Variants in SPRY3 observed in about 807,000 individuals in gnomAD.
SPRY3 encodes the protein protein sprouty homolog 3.
In SPRY3, 15 loss-of-function variants were observed where a neutral mutation model predicts 20.2. That is an observed-to-expected ratio of 0.74 (90% CI 0.50 to 1.14). The LOEUF (loss-of-function observed/expected upper bound fraction) is 1.14, where lower values mean the gene tolerates loss of function less well. Ranked by LOEUF, SPRY3 falls within the 50% of genes most tolerant of loss-of-function variation. SPRY3 has a pLI of 0.00. For synonymous variants in SPRY3, 143 were observed against 136.5 expected, an observed-to-expected ratio of 1.05 and a Z score of -0.33; for missense variants, 364 against 363.9, an observed-to-expected ratio of 1.00 and a Z score of 0.00.
intron 1 of SPRY3, among the ~76,000 whole-genome samples, chrX:155,651,728 G>A (rs1278961200): frequency 1.8e-5 from 2 of 111,317 alleles, no homozygotes; most frequent in Non-Finnish European, 3.8e-5. Flanking sequence ...TGGGTACATA[G>A]TATATGTATA....
chrX:155,777,888 G>C (rs1270817445), downstream of SPRY3: 8 of 166,346 alleles, frequency 4.8e-5, no homozygotes, highest in Non-Finnish European at 5.9e-5. Flanking sequence ...TATGATATCA[G>C]CCAAGAGTTT....
At chrX:155,692,214 T>A (rs2124575070) in intron 2 of SPRY3, among the ~76,000 whole-genome samples, 1 of 111,141 alleles carries the variant, frequency 9.0e-6, no homozygotes, top group African/African-American at 3.3e-5. Context: ...CCTGGTTGAT[T>A]TTGAGTTAAA....
Position 155,769,167 on chromosome X carries a change from T to C in SPRY3, c.-107+1031T>C, listed in dbSNP as rs777373957. On this transcript the variant is annotated intron_variant, in intron 3 of 3. Coordinates refer to ENST00000675360, the Ensembl canonical transcript of SPRY3. ...ACAAAGACATTACTATAACATTCTA[T>C]ATATTTGTCTCTTTGTGTTCTGTTT... Among the ~76,000 whole-genome samples, 3 of 152,314 alleles carry C rather than the reference T, an allele frequency of 2.0e-5. No individual in the cohort carries two copies. The South Asian group carries it at 6.2e-4, about 32-fold the overall frequency.
intron 2 of SPRY3, among the ~76,000 whole-genome samples, chrX:155,707,435 A>G (rs2090959610): frequency 2.6e-5 from 4 of 151,302 alleles, no homozygotes; most frequent in South Asian, 4.1e-4. Flanking sequence ...GTTTGCTTCA[A>G]TAAAATGTGT....
Position 155,614,381 on chromosome X carries a change from A to C in SPRY3, c.-441+1734A>C, listed in dbSNP as rs939391015. On this transcript the variant is annotated intron_variant, in intron 1 of 3. Coordinates refer to ENST00000675360, the Ensembl canonical transcript of SPRY3. ...GCTCACTTAAAGCTAAGCTGAAATC[A>C]ACACAAAGTACTCAGAAAAGGCAAC... Among the ~76,000 whole-genome samples the C allele has an allele frequency of 5.3e-5, 6 of 112,303 alleles. No homozygotes were observed. In the Admixed American group the frequency reaches 5.6e-4, roughly 11 times the overall value.
chrX:155,730,568 C>T (rs2091126431), intron 2 of SPRY3, among the ~76,000 whole-genome samples: 1 of 151,832 alleles, frequency 6.6e-6, no homozygotes, highest in Non-Finnish European at 1.5e-5. Context: ...TATGACAGAC[C>T]CACAGCTAGT....
chrX:155,768,243 G>GTGC (rs1556231763), intron 3 of SPRY3, 107 bp downstream of exon 2: 9 of 100,566 alleles, frequency 8.9e-5, no homozygotes, highest in African/African-American at 3.3e-4. Flanking sequence ...GCGTGTGTGT[G>GTGC]CCGCGCGCTT....
chrX:155,712,150 A>T (rs2090991414), intron 2 of SPRY3, among the ~76,000 whole-genome samples: 1 of 151,908 alleles, frequency 6.6e-6, no homozygotes, highest in African/African-American at 2.4e-5. Context: ...TTTTGAGGAG[A>T]AAAATGTGCA....
intron 2 of SPRY3, among the ~76,000 whole-genome samples, chrX:155,765,897 T>C (rs1465883012): frequency 3.3e-5 from 5 of 152,208 alleles, no homozygotes; most frequent in Non-Finnish European, 7.3e-5. Context: ...GTTAATTGAA[T>C]TGCCTCAAGG....
At chrX:155,669,178 T>A (rs180781566) in intron 2 of SPRY3, among the ~76,000 whole-genome samples, 1 of 111,491 alleles carries the variant, frequency 9.0e-6, no homozygotes, top group Non-Finnish European at 1.9e-5. Flanking sequence ...CAATCAAAAT[T>A]ATAATACTAT....
At chrX:155,641,760 C>T (rs1056282712) in intron 1 of SPRY3, among the ~76,000 whole-genome samples, 21 of 115,052 alleles carry the variant, frequency 1.8e-4, no homozygotes, top group African/African-American at 6.6e-4. Flanking sequence ...ATTTTACAAA[C>T]TGTGTTTACA....
intron 1 of SPRY3, among the ~76,000 whole-genome samples, chrX:155,640,013 T>C (rs1557351296): frequency 3.6e-5 from 4 of 112,418 alleles, no homozygotes; most frequent in African/African-American, 1.3e-4. Flanking sequence ...ATGTCTTCTT[T>C]GGAGAAATGT....
intron 1 of SPRY3, among the ~76,000 whole-genome samples, chrX:155,654,306 T>C (rs2067985441): frequency 8.9e-6 from 1 of 112,070 alleles, no homozygotes; most frequent in Non-Finnish European, 1.9e-5. Flanking sequence ...GTAACTATTT[T>C]CTGTTGCTTT....
At chrX:155,744,652 A>G (rs1325799538) in intron 2 of SPRY3, among the ~76,000 whole-genome samples, 2 of 152,100 alleles carry the variant, frequency 1.3e-5, no homozygotes, top group Non-Finnish European at 2.9e-5. Flanking sequence ...ACATGAGTGC[A>G]GACCCAGGAC....
exon 4 of SPRY3, chrX:155,774,898 C>T: frequency 2.6e-6 from 2 of 775,668 alleles, no homozygotes; most frequent in Non-Finnish European, 4.2e-6. Context: ...CATCCTGGTG[C>T]AGGATGCCTT....
chrX:155,774,294 T>C (rs2091406189), exon 4 of SPRY3: 1 of 1,614,032 alleles, frequency 6.2e-7, no homozygotes, highest in African/African-American at 1.3e-5. Flanking sequence ...GGCACCCTAG[T>C]GAGCACCTCT....
intron 1 of SPRY3, among the ~76,000 whole-genome samples, chrX:155,630,626 T>G (rs782243660): frequency 9.0e-6 from 1 of 111,434 alleles, no homozygotes; most frequent in South Asian, 3.8e-4. Context: ...TATATAATAT[T>G]TGCTTTATTT....
chrX:155,711,268 T>G (rs1186069331), intron 2 of SPRY3, among the ~76,000 whole-genome samples: 1 of 151,822 alleles, frequency 6.6e-6, no homozygotes, highest in Non-Finnish European at 1.5e-5. Context: ...AATTCAGCAG[T>G]GAAGCCAATG....
At chrX:155,645,553 G>A (rs1348122236) in intron 1 of SPRY3, among the ~76,000 whole-genome samples, 4 of 111,694 alleles carry the variant, frequency 3.6e-5, no homozygotes, top group African/African-American at 1.3e-4. Context: ...CTCCATGGGC[G>A]AGCATCAGCT....
Sources: gnomAD v4.1 joint callset for allele counts (sites outside exome capture counted in the v4.1 genomes callset) on GRCh38, gnomAD v4.1.1 for gene constraint, MANE v1.5 for transcripts, NCBI Gene and HGNC (gene_info 2026-07-23, HGNC 2026-07-21) for gene names.